TNFRSF13B: variants seen among roughly 807,000 people sequenced by gnomAD.
TNFRSF13B encodes TNF receptor superfamily member 13B.
A neutral mutation model predicts 24.0 loss-of-function variants in TNFRSF13B; 34 were observed. The ratio of observed to expected loss-of-function variants is 1.41; its 90% CI spans 1.08 to 1.88. TNFRSF13B has a LOEUF of 1.88. Among genes scored for constraint, TNFRSF13B ranks in the 40% most tolerant of loss-of-function variants. The pLI is 0.00. For synonymous variants in TNFRSF13B, 173 were observed against 150.3 expected (o/e 1.15, Z -1.10); for missense variants, 415 against 380.8 (o/e 1.09, Z -0.75).
At chr17:16,967,430 G>A (rs1296583833) in intron 1 of TNFRSF13B, among the ~76,000 whole-genome samples, 1 of 152,030 alleles carries the variant, frequency 6.6e-6, no homozygotes, top group Non-Finnish European at 1.5e-5. Context: ...ATTTGTAAAT[G>A]GTCATGTATA....
chr17:16,967,977 A>G (rs956810487), intron 1 of TNFRSF13B, among the ~76,000 whole-genome samples: 16 of 150,436 alleles, frequency 1.1e-4, no homozygotes, highest in African/African-American at 3.9e-4. Context: ...CTCTACTAAA[A>G]AAAAATACAA....
chr17:16,940,459 CG>C lies in TNFRSF13B; in HGVS notation c.497del (p.Thr166SerfsTer55), dbSNP rs2087501902. ...SADQVALVYS[T>X]LGLCLCAVLC... is the part of the protein sequence containing the mutation. ...GGACGGCACACAGGCAGAGCCCCAG[CG>C]TGCTGTAGACCAGGGCCACCTGATC... On this transcript the variant is annotated frameshift_variant, in exon 4 of 5. Transcript: ENST00000261652. LOFTEE classifies it high-confidence loss of function. 2.5e-6 allele frequency: 4 copies of C among 1,613,720 alleles called. No homozygotes were observed. Among genetic ancestry groups the C allele is most frequent in the Non-Finnish European group, 3.4e-6 (4 of 1,180,012 alleles).
At chr17:16,950,705 GC>G (rs2087582819) in intron 2 of TNFRSF13B, among the ~76,000 whole-genome samples, 1 of 152,026 alleles carries the variant, frequency 6.6e-6, no homozygotes, top group South Asian at 2.1e-4. Flanking sequence ...GTGCCTGAGT[GC>G]CCCAGCCCAC....
chr17:16,940,607 C>A, intron 3 of TNFRSF13B, 96 bp from the exon 4 acceptor site: 1 of 1,539,130 alleles, frequency 6.5e-7, no homozygotes, highest in Non-Finnish European at 8.7e-7. Context: ...CTGCTGTGAG[C>A]CTGTCTGGCT....
intron 1 of TNFRSF13B, among the ~76,000 whole-genome samples, chr17:16,960,849 A>T (rs566663879): frequency 6.6e-6 from 1 of 152,222 alleles, no homozygotes; most frequent in African/African-American, 2.4e-5. Context: ...TTCAAATCAT[A>T]TACCTAATAT....
chr17:16,952,363 C>T, intron 2 of TNFRSF13B, 83 bp downstream of exon 2: 2 of 1,599,526 alleles, frequency 1.3e-6, no homozygotes, highest in South Asian at 1.1e-5. Context: ...CCTCAGCCAC[C>T]TGACTGTGGG....
chr17:16,971,447 G>A (rs2087744192), intron 1 of TNFRSF13B, among the ~76,000 whole-genome samples: 1 of 152,126 alleles, frequency 6.6e-6, no homozygotes, highest in Admixed American at 6.5e-5. Flanking sequence ...GGTGGAAACT[G>A]TTATAGATTA....
Position 16,940,388 on chromosome 17 carries a change from C to T in TNFRSF13B, c.569G>A (p.Gly190Glu), listed in dbSNP as rs1410172580. 3.1e-6 allele frequency: 5 copies of T among 1,613,932 alleles called. No homozygotes were observed. Among genetic ancestry groups the T allele is most frequent in the African/African-American group, 2.7e-5 (2 of 74,918 alleles). ...VAVACFLKKR[G>E]DPCSCQPRSR... ...GCGGGGCTGGCAGGAGCAGGGATCC[C>T]CCCTCTTCTTGAGGAAGCAGGCCAC... is the stretch of plus-strand genomic sequence containing the variant. Residue 190 changes from glycine (G) to glutamate (E), a missense_variant, in exon 4 of 5, where the codon GGG becomes GAG. Physicochemically the swap from Gly to Glu is moderately conservative, Grantham distance 98. Coordinates refer to ENST00000261652, the MANE Select transcript of TNFRSF13B (RefSeq NM_012452.3).
intron 1 of TNFRSF13B, among the ~76,000 whole-genome samples, chr17:16,962,960 G>A (rs557715818): frequency 1.8e-4 from 28 of 152,336 alleles, no homozygotes; most frequent in Middle Eastern, 3.4e-3. Flanking sequence ...GACAAGTCAA[G>A]GACCAGCAGG....
intron 1 of TNFRSF13B, among the ~76,000 whole-genome samples, chr17:16,963,575 A>G (rs1169379008): frequency 1.3e-5 from 2 of 152,032 alleles, no homozygotes; most frequent in Admixed American, 6.6e-5. Context: ...TTCGAGACGG[A>G]GTCTGGCACT....
At chr17:16,942,359 C>T (rs552709894) in intron 3 of TNFRSF13B, among the ~76,000 whole-genome samples, 4 of 152,324 alleles carry the variant, frequency 2.6e-5, no homozygotes, top group South Asian at 2.1e-4. Flanking sequence ...TCCTCACACA[C>T]GCTTTTAGAT....
intron 2 of TNFRSF13B, among the ~76,000 whole-genome samples, chr17:16,949,239 T>C (rs745458759): frequency 6.6e-6 from 1 of 152,206 alleles, no homozygotes; most frequent in Non-Finnish European, 1.5e-5. Context: ...TTTTTCATTA[T>C]TATCTTTTCT....
intron 1 of TNFRSF13B, among the ~76,000 whole-genome samples, chr17:16,970,414 G>A (rs939728362): frequency 2.6e-5 from 4 of 152,188 alleles, no homozygotes; most frequent in Non-Finnish European, 4.4e-5. Flanking sequence ...CTCCTCACGG[G>A]CTTGGCCGGT....
intron 1 of TNFRSF13B, among the ~76,000 whole-genome samples, chr17:16,956,510 C>A (rs946700963): frequency 2.0e-5 from 3 of 151,808 alleles, no homozygotes; most frequent in Admixed American, 6.5e-5. Context: ...TTAAGGAAAC[C>A]GACAGAGAAC....
At chr17:16,939,973 C>A (rs1453371450) in intron 4 of TNFRSF13B, 176 bp from the exon 5 acceptor site, 2 of 1,041,590 alleles carry the variant, frequency 1.9e-6, no homozygotes, top group African/African-American at 3.2e-5. Context: ...TGTGCCGGGG[C>A]AGGGGTGGGC....
chr17:16,949,686 A>T (rs1355042295), intron 2 of TNFRSF13B, among the ~76,000 whole-genome samples: 1 of 144,334 alleles, frequency 6.9e-6, no homozygotes, highest in Non-Finnish European at 1.5e-5. Flanking sequence ...AATATTTCTA[A>T]TTTTTTTTTT....
At chr17:16,958,364 ATCTT>A (rs1258665307) in intron 1 of TNFRSF13B, among the ~76,000 whole-genome samples, 1 of 152,082 alleles carries the variant, frequency 6.6e-6, no homozygotes, top group Non-Finnish European at 1.5e-5. Context: ...GCTGAAGTAA[ATCTT>A]TATCAGTGAT....
At chr17:16,971,941 A>G in intron 1 of TNFRSF13B, 74 bp downstream of exon 1, 3 of 1,511,764 alleles carry the variant, frequency 2.0e-6, no homozygotes, top group Non-Finnish European at 1.8e-6. Flanking sequence ...GGACCTTGCA[A>G]CCCCCACGGC....
At chr17:16,947,548 C>T (rs565656938) in intron 3 of TNFRSF13B, among the ~76,000 whole-genome samples, 1 of 152,262 alleles carries the variant, frequency 6.6e-6, no homozygotes, top group South Asian at 2.1e-4. Context: ...AAGACATGAA[C>T]AGACACTTTT....
Sources: gnomAD v4.1 joint callset for allele counts (sites outside exome capture counted in the v4.1 genomes callset) on GRCh38, gnomAD v4.1.1 for gene constraint, MANE v1.5 for transcripts, NCBI Gene and HGNC (gene_info 2026-07-23, HGNC 2026-07-21) for gene names.